The following PCDHA8 variants were observed in gnomAD, a reference collection of about 807,000 sequenced individuals.
The protein encoded by PCDHA8 is protocadherin alpha-8.
PCDHA8 carries 53 observed loss-of-function variants against 61.8 expected under a neutral mutation model. The ratio of observed to expected loss-of-function variants is 0.86; its 90% CI spans 0.69 to 1.08. The LOEUF (loss-of-function observed/expected upper bound fraction) is 1.08, where lower values mean the gene tolerates loss of function less well. Among genes scored for constraint, PCDHA8 ranks in the 50% least tolerant of loss-of-function variants. PCDHA8 has a pLI of 0.00. For synonymous variants in PCDHA8, 618 were observed against 556.6 expected, an observed-to-expected ratio of 1.11 and a Z score of -1.55; for missense variants, 1,293 against 1,245.0, an observed-to-expected ratio of 1.04 and a Z score of -0.58.
In PCDHA8 at chr5:140,876,048, T is replaced by A. The variant is rs376201695; in HGVS notation, c.2394+32333T>A. 5 of 1,613,812 alleles carry A rather than the reference T, an allele frequency of 3.1e-6. No individual in the cohort carries two copies. In the African/African-American group the frequency reaches 5.3e-5, roughly 17 times the overall value. On this transcript the variant is annotated intron_variant, in intron 1 of 3. Transcript: ENST00000531613. ...CAAAAAAAGATAAAAGTATATTGCC[T>A]GAATTAGTTCTTCGGAAGTTATTGG...
chr5:140,851,317 G>C, intron 1 of PCDHA8: 1 of 992,602 alleles, frequency 1.0e-6, no homozygotes, highest in Non-Finnish European at 1.2e-6. Flanking sequence ...TTGTTACCTT[G>C]TTAAGTTTGT....
intron 1 of PCDHA8, among the ~76,000 whole-genome samples, chr5:140,897,588 T>C (rs1554187466): frequency 6.6e-6 from 1 of 152,172 alleles, no homozygotes; most frequent in African/African-American, 2.4e-5. Flanking sequence ...CAGTCTGTCA[T>C]TGTTGGACAT....
In PCDHA8 at chr5:141,003,361, G is replaced by A. The variant is rs2098120892; in HGVS notation, c.2543-6266G>A. Among the ~76,000 whole-genome samples the A allele has an allele frequency of 5.9e-5, 9 of 152,298 alleles. No individual in the cohort carries two copies. The South Asian group carries it at 1.9e-3, about 32-fold the overall frequency. On this transcript the variant is annotated intron_variant, in intron 3 of 3. Coordinates refer to ENST00000531613, the MANE Select transcript of PCDHA8 (RefSeq NM_018911.3). ...TTTGTTTGCTCTGTCACCCAGGCTG[G>A]AGTGCAGTGGTGCAATCTCAGCTCA...
intron 1 of PCDHA8, chr5:140,928,720 A>G (rs2085475122): frequency 6.2e-7 from 1 of 1,614,076 alleles, no homozygotes. Flanking sequence ...TAGTCTCTTT[A>G]GAATTTCAGC....
At chr5:140,991,022 C>T (rs1324609159) in intron 3 of PCDHA8, among the ~76,000 whole-genome samples, 1 of 152,164 alleles carries the variant, frequency 6.6e-6, no homozygotes, top group Non-Finnish European at 1.5e-5. Flanking sequence ...AAGCACTTTA[C>T]ATATGTTGCA....
intron 1 of PCDHA8, chr5:140,870,593 G>A (rs991131905): frequency 6.2e-7 from 1 of 1,613,572 alleles, no homozygotes; most frequent in Non-Finnish European, 8.5e-7. Flanking sequence ...GTGGAGCGGC[G>A]GTTGGGCGAC....
chr5:140,980,021 A>C (rs1472439975), intron 2 of PCDHA8, among the ~76,000 whole-genome samples: 2 of 152,248 alleles, frequency 1.3e-5, no homozygotes. Context: ...AAATGAGCAG[A>C]AATCATTACA....
At chr5:140,973,040 T>G (rs529820612) in intron 1 of PCDHA8, among the ~76,000 whole-genome samples, 23 of 152,264 alleles carry the variant, frequency 1.5e-4, no homozygotes, top group African/African-American at 5.5e-4. Flanking sequence ...CTTTGAGTAC[T>G]CTAGTAGATT....
intron 1 of PCDHA8, chr5:140,857,039 G>A: frequency 6.3e-7 from 1 of 1,595,752 alleles, no homozygotes; most frequent in Non-Finnish European, 8.6e-7. Context: ...ACCTATGGTT[G>A]GTCACTGCAC....
Position 140,870,071 on chromosome 5 carries a change from A to G in PCDHA8, c.2394+26356A>G, listed in dbSNP as rs782336770. Reference sequence around the variant, plus strand: ...TATAAAATTGAAGTACAGGCTACAGATAAGGGGACTCCCCCAATGGCAGGT... The same window carrying G: ...TATAAAATTGAAGTACAGGCTACAGGTAAGGGGACTCCCCCAATGGCAGGT... On this transcript the variant is annotated intron_variant, in intron 1 of 3. Coordinates refer to ENST00000531613, the MANE Select transcript of PCDHA8 (RefSeq NM_018911.3). 13 of 1,613,778 alleles carry G rather than the reference A, an allele frequency of 8.1e-6. No homozygotes were observed. The highest frequency in any genetic ancestry group is 1.3e-5 in the African/African-American group (1 of 74,950).
At chr5:140,902,729 C>T (rs1554190627) in intron 1 of PCDHA8, among the ~76,000 whole-genome samples, 1 of 152,068 alleles carries the variant, frequency 6.6e-6, no homozygotes, top group East Asian at 1.9e-4. Flanking sequence ...CCCTTCCCTC[C>T]AAGTCCCCCA....
chr5:140,984,230 A>C (rs1329517544), intron 3 of PCDHA8, among the ~76,000 whole-genome samples: 1 of 152,112 alleles, frequency 6.6e-6, no homozygotes, highest in Non-Finnish European at 1.5e-5. Flanking sequence ...GCTCTTATGG[A>C]GGCATTGTAG....
At chr5:140,902,611 A>G (rs924512539) in intron 1 of PCDHA8, among the ~76,000 whole-genome samples, 1 of 151,996 alleles carries the variant, frequency 6.6e-6, no homozygotes, top group East Asian at 1.9e-4. Flanking sequence ...TTTCAGTTAC[A>G]TGGGTAAGTT....
Position 140,993,501 on chromosome 5 carries a change from C to CAT in PCDHA8, c.2542+10939_2542+10940insTA, listed in dbSNP as rs1159844142. Among the ~76,000 whole-genome samples the CAT allele has an allele frequency of 9.9e-4, 148 of 149,100 alleles. 5 individuals carry two copies. In the East Asian group the frequency reaches 0.024, roughly 24 times the overall value. On this transcript the variant is annotated intron_variant, in intron 3 of 3. Transcript: ENST00000531613. ...ACACACACACACACACACACACACA[C>CAT]ACACACACGGGGAGAGAGAGACAGA...
chr5:140,858,155 T>C (rs782113419), intron 1 of PCDHA8: 1 of 1,597,742 alleles, frequency 6.3e-7, no homozygotes, highest in African/African-American at 1.3e-5. Context: ...CATCGCCATC[T>C]GCGCGGTGTC....
chr5:140,848,500 T>A, intron 1 of PCDHA8: 2 of 1,585,030 alleles, frequency 1.3e-6, no homozygotes, highest in Non-Finnish European at 1.7e-6. Flanking sequence ...TTTGAAATGT[T>A]ATACTCAAGT....
At chr5:140,960,162 C>T (rs782387212) in intron 1 of PCDHA8, among the ~76,000 whole-genome samples, 3 of 152,064 alleles carry the variant, frequency 2.0e-5, no homozygotes, top group Non-Finnish European at 4.4e-5. Context: ...ACTGATAATA[C>T]AATTCTTAAG....
chr5:140,851,837 A>G (rs2042175202), intron 1 of PCDHA8: 1 of 970,268 alleles, frequency 1.0e-6, no homozygotes, highest in Non-Finnish European at 1.2e-6. Context: ...TTTTAAAAAT[A>G]TCTTTTTCTC....
chr5:140,939,240 AGGT>A (rs1314261929), intron 1 of PCDHA8, among the ~76,000 whole-genome samples: 2 of 152,170 alleles, frequency 1.3e-5, no homozygotes, highest in African/African-American at 4.8e-5. Context: ...GGAAGGAGCA[AGGT>A]AGCTCTCTGG....
Sources: allele counts gnomAD v4.1 joint callset (sites outside exome capture counted in the v4.1 genomes callset), GRCh38; gene constraint gnomAD v4.1.1; transcripts MANE v1.5; gene names NCBI Gene and HGNC (gene_info 2026-07-23, HGNC 2026-07-21).